The following ZNF438 variants were observed in gnomAD, a reference collection of about 807,000 sequenced individuals.
The protein encoded by ZNF438 is zinc finger protein 438.
Under a neutral mutation model 38.0 loss-of-function variants are expected in ZNF438, and 25 were observed. The ratio of observed to expected loss-of-function variants is 0.66; its 90% CI spans 0.48 to 0.92. ZNF438 has a LOEUF of 0.92. Ranked by LOEUF, ZNF438 falls within the 40% of genes least tolerant of loss-of-function variation. The pLI, the probability that ZNF438 is intolerant of heterozygous loss-of-function variation, is 0.00. For missense variants in ZNF438, 1,007 were observed against 999.6 expected (o/e 1.01, Z -0.10); for synonymous variants, 372 against 364.1 (o/e 1.02, Z -0.25).
chr10:30,884,045 C>T (rs547799017), intron 3 of ZNF438, among the ~76,000 whole-genome samples: 61 of 152,100 alleles, frequency 4.0e-4, no homozygotes, highest in Non-Finnish European at 8.1e-4. Flanking sequence ...AGTGATATTA[C>T]AAAGTTTCCC....
At chr10:30,884,098 T>A (rs1307450856) in intron 3 of ZNF438, among the ~76,000 whole-genome samples, 1 of 151,968 alleles carries the variant, frequency 6.6e-6, no homozygotes, top group Non-Finnish European at 1.5e-5. Context: ...AAAATGTTTT[T>A]ATTTTCATTG....
intron 2 of ZNF438, among the ~76,000 whole-genome samples, chr10:30,939,447 A>C (rs1007680887): frequency 2.6e-5 from 4 of 152,204 alleles, no homozygotes; most frequent in Admixed American, 6.5e-5. Context: ...AATTCCCATA[A>C]GTTTGTATAG....
intron 1 of ZNF438, among the ~76,000 whole-genome samples, chr10:30,971,703 A>C (rs191400041): frequency 6.6e-6 from 1 of 152,268 alleles, no homozygotes; most frequent in Admixed American, 6.5e-5. Flanking sequence ...TTATTTAGTA[A>C]TACTATTCAA....
At chr10:30,894,695 A>T (rs2041112097) in intron 3 of ZNF438, among the ~76,000 whole-genome samples, 1 of 152,220 alleles carries the variant, frequency 6.6e-6, no homozygotes, top group Admixed American at 6.5e-5. Context: ...CAATGGCAAC[A>T]TTATTATACA....
chr10:30,959,391 A>C (rs115456949), intron 1 of ZNF438, among the ~76,000 whole-genome samples: 1,794 of 146,286 alleles, frequency 0.012, 77 homozygotes, highest in African/African-American at 0.04. Context: ...CTGGTTTTCC[A>C]GCTGACTGCC....
At chr10:30,847,335 G>A (rs2032425884) in intron 5 of ZNF438, among the ~76,000 whole-genome samples, 2 of 152,098 alleles carry the variant, frequency 1.3e-5, no homozygotes, top group Admixed American at 1.3e-4. Flanking sequence ...AGAGACAATG[G>A]GACGACCAGT....
At chr10:30,887,001 C>A (rs2040035746) in intron 3 of ZNF438, among the ~76,000 whole-genome samples, 1 of 152,144 alleles carries the variant, frequency 6.6e-6, no homozygotes, top group Admixed American at 6.5e-5. Flanking sequence ...ACTGCCCCTT[C>A]CAGGGCTAGC....
chr10:30,852,079 C>T (rs1265809350), intron 4 of ZNF438, among the ~76,000 whole-genome samples: 1 of 151,814 alleles, frequency 6.6e-6, no homozygotes, highest in East Asian at 2.0e-4. Context: ...AGGAGAATCA[C>T]TTGAACCCTG....
At chr10:30,865,948 C>T (rs929478452) in intron 4 of ZNF438, among the ~76,000 whole-genome samples, 1 of 152,150 alleles carries the variant, frequency 6.6e-6, no homozygotes, top group Admixed American at 6.5e-5. Flanking sequence ...TTTTCATACT[C>T]ATATCAAGAT....
chr10:30,959,259 T>C lies in ZNF438; in HGVS notation c.-191-17608A>G, dbSNP rs149695652. 4.6e-4 allele frequency among the ~76,000 whole-genome samples: 68 copies of C among 146,756 alleles called. 8 individuals are homozygous for C. Among genetic ancestry groups the C allele is most frequent in the Non-Finnish European group, 8.0e-4 (52 of 64,730 alleles). ...TTTGAGTAGAGCAGATGGTTCTCCA[T>C]TATATGGGGGAGCTTCATCTAATGA... On this transcript the variant is annotated intron_variant, in intron 1 of 5. Coordinates refer to ENST00000413025, the Ensembl canonical transcript of ZNF438.
At chr10:30,994,702 C>T (rs769109663) in intron 1 of ZNF438, among the ~76,000 whole-genome samples, 2 of 151,896 alleles carry the variant, frequency 1.3e-5, no homozygotes, top group Non-Finnish European at 2.9e-5. Flanking sequence ...AAAACAGATG[C>T]CATTAGGAGA....
chr10:30,886,412 T>G (rs540473298), intron 3 of ZNF438, among the ~76,000 whole-genome samples: 1 of 152,216 alleles, frequency 6.6e-6, no homozygotes, highest in Non-Finnish European at 1.5e-5. Context: ...AGTAATTTCA[T>G]GTACCCATTT....
At chr10:30,868,274 T>C (rs1032446200) in intron 4 of ZNF438, among the ~76,000 whole-genome samples, 3 of 152,036 alleles carry the variant, frequency 2.0e-5, no homozygotes, top group African/African-American at 7.3e-5. Context: ...TTTCACTATG[T>C]TGGATAGGCT....
rs1208008191 is a variant in ZNF438 at position 30,995,616 on chromosome 10, T to C, written c.-192+36217A>G. On this transcript the variant is annotated intron_variant, in intron 1 of 5. Coordinates refer to ENST00000413025, the Ensembl canonical transcript of ZNF438. ...ACATTATTGCAAAAGACACTGTAAT[T>C]GCATATTTCTTCCCCTTTCTTCTCT... Among the ~76,000 whole-genome samples, 4 of 152,330 alleles carry C rather than the reference T, an allele frequency of 2.6e-5. No individual in the cohort carries two copies. In the East Asian group the frequency reaches 7.7e-4, roughly 29 times the overall value.
rs543001871 is a variant in ZNF438 at position 30,880,041 on chromosome 10, A to G, written c.-31-2976T>C. ...ATTGCCAAACTGCTCAAAACTGGTG[A>G]AAAAAAAAAGTTTTTAAAGCACCCA... is the stretch of plus-strand genomic sequence containing the variant. On this transcript the variant is annotated intron_variant, in intron 3 of 5. Transcript: ENST00000413025. 7.3e-5 allele frequency among the ~76,000 whole-genome samples: 11 copies of G among 150,102 alleles called. No individual in the cohort carries two copies. In the East Asian group the frequency reaches 1.2e-3, roughly 16 times the overall value.
chr10:31,032,053 T>C (rs1257061913), upstream of ZNF438: 1 of 152,258 alleles, frequency 6.6e-6, no homozygotes, highest in African/African-American at 2.4e-5. Flanking sequence ...TGCGCCCGCA[T>C]GCCTGTGGGC....
chr10:30,936,234 T>G (rs1041704851), intron 2 of ZNF438, among the ~76,000 whole-genome samples: 1 of 152,226 alleles, frequency 6.6e-6, no homozygotes, highest in African/African-American at 2.4e-5. Context: ...GAAAAATACA[T>G]GTAAAGAACA....
chr10:30,902,008 C>G (rs908811679), intron 3 of ZNF438, among the ~76,000 whole-genome samples: 1 of 135,176 alleles, frequency 7.4e-6, no homozygotes, highest in African/African-American at 2.6e-5. Flanking sequence ...AGGAGTGAAG[C>G]TGCAGACCTT....
At chr10:30,875,328 C>T in intron 4 of ZNF438, 1 of 985,378 alleles carries the variant, frequency 1.0e-6, no homozygotes, top group Non-Finnish European at 1.2e-6. Context: ...CACATAGACT[C>T]ACCTTTTTAG....
Sources: allele counts gnomAD v4.1 joint callset (sites outside exome capture counted in the v4.1 genomes callset), GRCh38; gene constraint gnomAD v4.1.1; transcripts MANE v1.5; gene names NCBI Gene and HGNC (gene_info 2026-07-23, HGNC 2026-07-21).